Variants in PDXK observed in about 807,000 individuals in gnomAD.
PDXK encodes epididymis secretory sperm binding protein Li 1a.
A neutral mutation model predicts 43.2 loss-of-function variants in PDXK; 15 were observed. The ratio of observed to expected loss-of-function variants is 0.35; its 90% CI spans 0.23 to 0.53. PDXK has a LOEUF of 0.53. PDXK is among the 20% of genes least tolerant of loss of function. The pLI is 0.92. For synonymous variants in PDXK, 172 were observed against 165.4 expected (o/e 1.04, Z -0.31); for missense variants, 343 against 417.0 (o/e 0.82, Z 1.54).
At chr21:43,752,179 C>T (rs909565633) in intron 7 of PDXK, among the ~76,000 whole-genome samples, 47 of 152,144 alleles carry the variant, frequency 3.1e-4, no homozygotes, top group Admixed American at 1.4e-3. Flanking sequence ...ACAGTTTCTA[C>T]GAGAGTTACA....
At position 43,737,521 on chromosome 21, in the gene PDXK, C is replaced by T. The variant is rs1026305457; in HGVS notation, c.142+3398C>T. On this transcript the variant is annotated intron_variant, in intron 2 of 10. Coordinates refer to ENST00000291565, the MANE Select transcript of PDXK (RefSeq NM_003681.5). This position sits in a 1 kb window ranked among gnomAD's most constrained non-coding sequence, Gnocchi z 4.8. ...AGGAGCCTGCGGAGCTGGAGGTCAG[C>T]GGGTGGACGGGTTGCGCTGTCCTGG... 86 of 1,023,058 alleles carry T rather than the reference C, an allele frequency of 8.4e-5. No individual in the cohort carries two copies. The highest frequency in any genetic ancestry group is 1.0e-4 in the East Asian group (1 of 9,582). 63.4% of individuals were successfully genotyped at this position (1,023,058 alleles called of 1,614,324 possible).
At chr21:43,724,788 C>T (rs1342035780) in intron 1 of PDXK, among the ~76,000 whole-genome samples, 2 of 151,468 alleles carry the variant, frequency 1.3e-5, no homozygotes, top group Non-Finnish European at 2.9e-5. Context: ...ATGCAGTGAC[C>T]TGTGATGGTG....
rs1014379659 is a variant in PDXK at position 43,737,807 on chromosome 21, G to A, written c.142+3684G>A. 5.1e-5 allele frequency: 50 copies of A among 985,364 alleles called. No individual in the cohort carries two copies. The highest frequency in any genetic ancestry group is 2.5e-4 in the Admixed American group (4 of 16,270). The allele number at this position is 985,364 out of a possible 1,614,324, so 61.0% of individuals were successfully genotyped here. A position where few individuals can be genotyped will look rare whatever the true frequency, so the allele number is the denominator to read the frequency against. On this transcript the variant is annotated intron_variant, in intron 2 of 10. Transcript: ENST00000291565. This position sits in a 1 kb window ranked among gnomAD's most constrained non-coding sequence, Gnocchi z 4.8. ...ACAGGAGTGCCAGGCTCCTTGGGCC[G>A]CCCGAGGAACCGCTTGTTTGCCTGT...
chr21:43,747,662 C>T (rs2147289854), intron 5 of PDXK, among the ~76,000 whole-genome samples: 1 of 152,370 alleles, frequency 6.6e-6, no homozygotes, highest in East Asian at 1.9e-4. Flanking sequence ...GTGGGCTCTG[C>T]TGACCCTCGG....
At chr21:43,742,146 T>C (rs1420316906) in intron 3 of PDXK, among the ~76,000 whole-genome samples, 1 of 152,122 alleles carries the variant, frequency 6.6e-6, no homozygotes, top group Non-Finnish European at 1.5e-5. Context: ...GTCAACTTTC[T>C]GGTTAAAAAA....
At chr21:43,721,851 G>C (rs1398324693) in intron 1 of PDXK, 1 of 152,382 alleles carries the variant, frequency 6.6e-6, no homozygotes, top group Non-Finnish European at 1.5e-5. Context: ...ACCCTCCCTG[G>C]GCAGAGCAAA....
intron 1 of PDXK, among the ~76,000 whole-genome samples, chr21:43,720,201 G>A (rs1447120295): frequency 6.6e-6 from 1 of 152,198 alleles, no homozygotes; most frequent in Admixed American, 6.5e-5. Context: ...CCAGGACGAC[G>A]GGCACTTCCT....
At chr21:43,742,550 AGCCACT>A (rs1396178283) in intron 3 of PDXK, among the ~76,000 whole-genome samples, 1 of 152,192 alleles carries the variant, frequency 6.6e-6, no homozygotes, top group African/African-American at 2.4e-5. Context: ...TACAGGCGTG[AGCCACT>A]GCGCCCAGCC....
At chr21:43,724,445 C>T (rs1356660192) in intron 1 of PDXK, among the ~76,000 whole-genome samples, 4 of 152,110 alleles carry the variant, frequency 2.6e-5, no homozygotes, top group East Asian at 1.9e-4. Flanking sequence ...CATGTGGACG[C>T]GAGCAGCGAG....
chr21:43,743,828 G>C (rs1452450548), intron 4 of PDXK, 21 bp downstream of exon 4: 8 of 1,579,026 alleles, frequency 5.1e-6, no homozygotes, highest in Non-Finnish European at 7.0e-6. Flanking sequence ...GCCCACCCTC[G>C]GGTCTGGCTG....
chr21:43,739,381 G>T (rs906804452), intron 2 of PDXK, among the ~76,000 whole-genome samples: 2 of 152,142 alleles, frequency 1.3e-5, no homozygotes, highest in Non-Finnish European at 2.9e-5. Flanking sequence ...CCGGACGTTG[G>T]ATACACCATG....
rs1263942835 is a variant in PDXK at position 43,734,486 on chromosome 21, C to T, written c.142+363C>T. Among the ~76,000 whole-genome samples the T allele has an allele frequency of 6.6e-6, 1 of 152,206 alleles. No homozygotes were observed. Among genetic ancestry groups the T allele is most frequent in the Admixed American group, 6.5e-5 (1 of 15,286 alleles). On this transcript the variant is annotated intron_variant, in intron 2 of 10. Coordinates refer to ENST00000291565, the MANE Select transcript of PDXK (RefSeq NM_003681.5). The surrounding 1 kb of genome is among the most constrained non-coding windows in gnomAD (Gnocchi z 5.0). Reference sequence around the variant, plus strand: ...TTGATTACGTCACTTGCATAAAATGCTTGGACCAATGCCTGGCTCAGAGCG... The same window carrying T: ...TTGATTACGTCACTTGCATAAAATGTTTGGACCAATGCCTGGCTCAGAGCG...
intron 1 of PDXK, among the ~76,000 whole-genome samples, chr21:43,726,566 G>A (rs569898043): frequency 2.0e-5 from 3 of 152,000 alleles, no homozygotes; most frequent in East Asian, 1.9e-4. Context: ...GAGCCACCGC[G>A]CCCGGCCAAT....
At position 43,732,129 on chromosome 21, in the gene PDXK, C is replaced by A; in HGVS notation, c.88-1940C>A. On this transcript the variant is annotated intron_variant, in intron 1 of 10. Coordinates refer to ENST00000291565, the MANE Select transcript of PDXK (RefSeq NM_003681.5). This position sits in a 1 kb window ranked among gnomAD's most constrained non-coding sequence, Gnocchi z 4.1. ...AGAGCACTGCTGACAGAAGCCCATT[C>A]TCTTCGCAGGCTTCAGTTTCACATT... 7.4e-7 allele frequency: 1 copy of A among 1,346,922 alleles called. No homozygotes were observed. Among genetic ancestry groups the A allele is most frequent in the Non-Finnish European group, 9.5e-7 (1 of 1,049,034 alleles). The allele number at this position is 1,346,922 out of a possible 1,614,324, so 83.4% of individuals were successfully genotyped here. A position where few individuals can be genotyped will look rare whatever the true frequency, so the allele number is the denominator to read the frequency against.
chr21:43,758,294 C>G lies in PDXK; in HGVS notation c.*2231C>G, dbSNP rs935606876. On this transcript the variant is annotated 3_prime_UTR_variant, in exon 11 of 11. Coordinates refer to ENST00000291565, the MANE Select transcript of PDXK (RefSeq NM_003681.5). ...GCGCCTCCCGTAAATCCTGAGCTCT[C>G]TGGCGCAATCTGAAACTTCTCTTCT... 2.0e-5 allele frequency: 3 copies of G among 153,702 alleles called. No homozygotes were observed. Among genetic ancestry groups the G allele is most frequent in the Non-Finnish European group, 4.4e-5 (3 of 68,060 alleles). The allele number at this position is 153,702 out of a possible 1,614,324, so 9.5% of individuals were successfully genotyped here.
At position 43,731,164 on chromosome 21, in the gene PDXK, A is replaced by G. The variant is rs1203884296; in HGVS notation, c.88-2905A>G. 2.0e-5 allele frequency among the ~76,000 whole-genome samples: 3 copies of G among 152,100 alleles called. No individual in the cohort carries two copies. In the East Asian group the frequency reaches 5.8e-4, roughly 29 times the overall value. ...TGACTCAGTTTTTAATAATGACTCT[A>G]CGTAAAACTGACCTGCACTATTGCA... On this transcript the variant is annotated intron_variant, in intron 1 of 10. Coordinates refer to ENST00000291565, the MANE Select transcript of PDXK (RefSeq NM_003681.5).
chr21:43,724,432 C>G (rs546479646), intron 1 of PDXK, among the ~76,000 whole-genome samples: 59 of 152,282 alleles, frequency 3.9e-4, no homozygotes, highest in African/African-American at 1.2e-3. Flanking sequence ...AGCACTTGAG[C>G]AGCATGTGGA....
Position 43,726,436 on chromosome 21 carries a change from A to C in PDXK, c.87+7055A>C, listed in dbSNP as rs2083254765. 2.0e-5 allele frequency among the ~76,000 whole-genome samples: 3 copies of C among 151,426 alleles called. 1 individual carries two copies. In the South Asian group the frequency reaches 6.3e-4, roughly 32 times the overall value. Reference sequence around the variant, plus strand: ...GACTACAGGCGCCCGCCACCACACCAGGCAAATTTTTCTGTATTTTTAGTA... The same window carrying C: ...GACTACAGGCGCCCGCCACCACACCCGGCAAATTTTTCTGTATTTTTAGTA... On this transcript the variant is annotated intron_variant, in intron 1 of 10. Transcript: ENST00000291565.
chr21:43,733,699 A>T, intron 1 of PDXK: 3 of 1,134,140 alleles, frequency 2.6e-6, no homozygotes, highest in Non-Finnish European at 3.3e-6. Context: ...CAGTGTGTGG[A>T]CAGATGGGTA....
Sources: gnomAD v4.1 joint callset for allele counts (sites outside exome capture counted in the v4.1 genomes callset) on GRCh38, gnomAD v4.1.1 for gene constraint, Gnocchi (gnomAD v3.1) non-coding constraint, MANE v1.5 for transcripts, NCBI Gene and HGNC (gene_info 2026-07-23, HGNC 2026-07-21) for gene names.